KDM5A: variants seen among roughly 807,000 people sequenced by gnomAD.
KDM5A encodes the protein lysine-specific demethylase 5A.
In KDM5A, 42 loss-of-function variants were observed where a neutral mutation model predicts 193.5. The ratio of observed to expected loss-of-function variants is 0.22; its 90% confidence interval spans 0.17 to 0.28. KDM5A has a LOEUF of 0.28. Among genes scored for constraint, KDM5A ranks in the 10% least tolerant of loss-of-function variants. KDM5A has a pLI of 1.00. For missense variants in KDM5A, 1,692 were observed against 2,055.1 expected, an observed-to-expected ratio of 0.82 and a Z score of 3.42; for synonymous variants, 796 against 718.1, an observed-to-expected ratio of 1.11 and a Z score of -1.73.
chr12:382,075 T>C (rs2137496253), intron 3 of KDM5A, among the ~76,000 whole-genome samples: 1 of 152,296 alleles, frequency 6.6e-6, no homozygotes, highest in Non-Finnish European at 1.5e-5. Flanking sequence ...CCTCCCAAAG[T>C]GCTGGGATTA....
chr12:345,960 C>T (rs1294030430), intron 10 of KDM5A, among the ~76,000 whole-genome samples: 1 of 152,006 alleles, frequency 6.6e-6, no homozygotes, highest in Admixed American at 6.6e-5. Context: ...ACCTTCAAAA[C>T]ATCAATTAAA....
intron 20 of KDM5A, 104 bp downstream of exon 20, chr12:312,952 C>T: frequency 4.0e-6 from 5 of 1,257,062 alleles, no homozygotes; most frequent in South Asian, 2.5e-5. Flanking sequence ...AGTTAGGGAT[C>T]GTTTGTATTA....
intron 10 of KDM5A, among the ~76,000 whole-genome samples, chr12:336,419 T>C (rs1025258836): frequency 1.2e-4 from 17 of 146,988 alleles, no homozygotes; most frequent in Admixed American, 1.0e-3. Flanking sequence ...CAGGTTTAAC[T>C]AAGAATTCCA....
intron 27 of KDM5A, chr12:286,324 T>C (rs890200240): frequency 5.3e-6 from 2 of 379,782 alleles, no homozygotes; most frequent in African/African-American, 2.1e-5. Flanking sequence ...GAAAAACTGA[T>C]AGGTCAGTGG....
At chr12:296,555 A>G (rs1943376878) in intron 25 of KDM5A, among the ~76,000 whole-genome samples, 1 of 152,108 alleles carries the variant, frequency 6.6e-6, no homozygotes, top group African/African-American at 2.4e-5. Flanking sequence ...AGAGATAAAC[A>G]CCCTCCATCT....
chr12:280,155 T>G lies in KDM5A; in HGVS notation c.*5301A>C, dbSNP rs938232558. On this transcript the variant is annotated 3_prime_UTR_variant, in exon 28 of 28. Transcript: ENST00000399788. Reference sequence around the variant, plus strand: ...GAAGAGAGTGAAATTCCAAAATCACTCTAGTTTATTCACATAATATAGTAT... The same window carrying G: ...GAAGAGAGTGAAATTCCAAAATCACGCTAGTTTATTCACATAATATAGTAT... 4.3e-6 allele frequency: 1 copy of G among 231,832 alleles called. No individual in the cohort carries two copies. The highest frequency in any genetic ancestry group is 2.2e-5 in the African/African-American group (1 of 45,292). The allele number at this position is 231,832 out of a possible 1,614,324, so 14.4% of individuals were successfully genotyped here. A position where few individuals can be genotyped will look rare whatever the true frequency, so the allele number is the denominator to read the frequency against.
At chr12:373,155 T>C (rs1244316677) in intron 3 of KDM5A, among the ~76,000 whole-genome samples, 1 of 152,254 alleles carries the variant, frequency 6.6e-6, no homozygotes, top group Non-Finnish European at 1.5e-5. Flanking sequence ...TGGAATAGTT[T>C]CAGAAAGAAT....
intron 3 of KDM5A, among the ~76,000 whole-genome samples, chr12:376,400 T>C (rs1944504404): frequency 6.6e-6 from 1 of 152,236 alleles, no homozygotes; most frequent in African/African-American, 2.4e-5. Flanking sequence ...TATAATCTCC[T>C]GGTGTGCCGT....
In KDM5A at chr12:323,063, C is replaced by T; in HGVS notation, c.2275+19G>A. 6.2e-7 allele frequency: 1 copy of T among 1,613,208 alleles called. No individual in the cohort carries two copies. The highest frequency in any genetic ancestry group is 8.5e-7 in the Non-Finnish European group (1 of 1,179,618). ...TGACAATCAATTCAGTATATGCATA[C>T]AAAAGAAGGAAATTTAACCTTTTTT... On this transcript the variant is annotated intron_variant, in intron 16 of 27. Transcript: ENST00000399788.
chr12:341,690 A>G (rs1451915192), intron 10 of KDM5A, among the ~76,000 whole-genome samples: 1 of 152,170 alleles, frequency 6.6e-6, no homozygotes, highest in African/African-American at 2.4e-5. Flanking sequence ...TCACGAGGTC[A>G]GGAGCTCGAG....
chr12:295,458 G>C (rs917465226), intron 26 of KDM5A, 115 bp downstream of exon 26: 6 of 993,342 alleles, frequency 6.0e-6, no homozygotes, highest in African/African-American at 4.8e-5. Context: ...AAGTGGGAAA[G>C]TAGACCAGCC....
chr12:386,770 G>A (rs1944642411), intron 1 of KDM5A, among the ~76,000 whole-genome samples: 1 of 152,096 alleles, frequency 6.6e-6, no homozygotes, highest in Non-Finnish European at 1.5e-5. Flanking sequence ...AACCTGTATT[G>A]CTCAGAGAAG....
At chr12:373,117 A>AG (rs1944453252) in intron 3 of KDM5A, among the ~76,000 whole-genome samples, 2 of 152,332 alleles carry the variant, frequency 1.3e-5, no homozygotes, top group South Asian at 2.1e-4. Flanking sequence ...AAAATGAGTT[A>AG]GGGAGAATTC....
At position 284,659 on chromosome 12, in the gene KDM5A, CTGG is replaced by C. The variant is rs1943197173; in HGVS notation, c.*794_*796del. 1 of 232,780 alleles carries C rather than the reference CTGG, an allele frequency of 4.3e-6. No individual in the cohort carries two copies. The highest frequency in any genetic ancestry group is 2.2e-5 in the African/African-American group (1 of 45,264). The allele number at this position is 232,780 out of a possible 1,614,324, so 14.4% of individuals were successfully genotyped here. A position where few individuals can be genotyped will look rare whatever the true frequency, so the allele number is the denominator to read the frequency against. The stretch of plus-strand genomic sequence containing the variant: ...TTCTCTTTTTTTTTTTGGCAGAAGC[CTGG>C]ATCCATGTACCTGCTCTTCCCTAAA... On this transcript the variant is annotated 3_prime_UTR_variant, in exon 28 of 28. Coordinates refer to ENST00000399788, the MANE Select transcript of KDM5A (RefSeq NM_001042603.3).
At chr12:336,834 CAA>C (rs11292144) in intron 10 of KDM5A, among the ~76,000 whole-genome samples, 52 of 122,136 alleles carry the variant, frequency 4.3e-4, no homozygotes, top group Middle Eastern at 4.8e-3. Flanking sequence ...GACTCCATCT[CAA>C]AAAAAAAAAA....
Position 292,870 on chromosome 12 carries a change from C to T in KDM5A, c.4755G>A (p.Glu1585=), listed in dbSNP as rs2137365097. 6.2e-7 allele frequency: 1 copy of T among 1,614,176 alleles called. No individual in the cohort carries two copies. The highest frequency in any genetic ancestry group is 8.5e-7 in the Non-Finnish European group (1 of 1,180,030). Residue 1585 remains glutamate, a synonymous_variant, in exon 27 of 28, where the codon GAG becomes GAA. Transcript: ENST00000399788. ...TTGAGGGGATGTCCAGCACCTTTTT[C>T]TCTCTTTTCTTTTCAGTGCTCTCTT... ...LVKESTEKKR[E]KKVLDIPSKY...
chr12:388,677 G>GGCT (rs1175882162), intron 1 of KDM5A: 1 of 577,068 alleles, frequency 1.7e-6, no homozygotes, highest in Non-Finnish European at 3.1e-6. Context: ...TTAGGCCCAC[G>GGCT]GCTGAGAGAA....
chr12:366,695 G>A (rs1014260367), intron 3 of KDM5A, among the ~76,000 whole-genome samples: 2 of 151,528 alleles, frequency 1.3e-5, no homozygotes, highest in Admixed American at 6.6e-5. Context: ...AATATATTAA[G>A]GTAGAAAACG....
chr12:299,422 T>A (rs1015153926), intron 24 of KDM5A, among the ~76,000 whole-genome samples: 1 of 152,132 alleles, frequency 6.6e-6, no homozygotes, highest in South Asian at 2.1e-4. Flanking sequence ...AATTTTCAAC[T>A]CAGAATTTCA....
Sources: gnomAD v4.1 joint callset for allele counts (sites outside exome capture counted in the v4.1 genomes callset) on GRCh38, gnomAD v4.1.1 for gene constraint, MANE v1.5 for transcripts, NCBI Gene and HGNC (gene_info 2026-07-23, HGNC 2026-07-21) for gene names.